The following NUF2 variants were observed in gnomAD, a reference collection of about 807,000 sequenced individuals.
NUF2 encodes the protein kinetochore protein Nuf2.
A neutral mutation model predicts 61.8 loss-of-function variants in NUF2; 34 were observed. The observed-to-expected ratio is 0.55, with a 90% CI of 0.42 to 0.73. The LOEUF (loss-of-function observed/expected upper bound fraction) is 0.73, where lower values mean the gene tolerates loss of function less well. Among genes scored for constraint, NUF2 ranks in the 30% least tolerant of loss-of-function variants. NUF2 has a pLI of 0.00. For synonymous variants in NUF2, 172 were observed against 181.6 expected, an observed-to-expected ratio of 0.95 and a Z score of 0.42; for missense variants, 445 against 539.1, an observed-to-expected ratio of 0.83 and a Z score of 1.73.
intron 8 of NUF2, 66 bp downstream of exon 8, chr1:163,339,543 T>G: frequency 2.3e-6 from 2 of 886,056 alleles, no homozygotes; most frequent in Non-Finnish European, 1.9e-6. Context: ...GTGGGACATA[T>G]AGTGGAGGTA....
intron 2 of NUF2, 65 bp from the exon 3 acceptor site, chr1:163,327,423 A>G (rs1650460376): frequency 1.2e-6 from 1 of 818,188 alleles, no homozygotes; most frequent in East Asian, 2.5e-5. Flanking sequence ...ATTGTATGGT[A>G]ATGATGATAG....
At chr1:163,343,517 A>C (rs936718518) in intron 9 of NUF2, among the ~76,000 whole-genome samples, 1 of 152,250 alleles carries the variant, frequency 6.6e-6, no homozygotes, top group East Asian at 1.9e-4. Context: ...GAGAGTTAAG[A>C]GCCATGTAAT....
chr1:163,324,374 G>T (rs1214104938), intron 1 of NUF2, among the ~76,000 whole-genome samples: 1 of 152,168 alleles, frequency 6.6e-6, no homozygotes, highest in African/African-American at 2.4e-5. Context: ...GGAAAAAGTT[G>T]CATTGAGAGT....
At chr1:163,346,291 G>A (rs1040493856) in intron 11 of NUF2, 10 of 152,134 alleles carry the variant, frequency 6.6e-5, no homozygotes, top group African/African-American at 1.9e-4. Context: ...TAAAAGTTAT[G>A]TGAATGTGGT....
At chr1:163,328,771 G>A (rs1650506883) in intron 4 of NUF2, 75 bp from the exon 5 acceptor site, 1 of 891,622 alleles carries the variant, frequency 1.1e-6, no homozygotes, top group Non-Finnish European at 1.8e-6. Context: ...CTGAAAATAA[G>A]ATGTTTATAT....
intron 11 of NUF2, 170 bp downstream of exon 11, chr1:163,345,988 T>C: frequency 4.4e-6 from 2 of 458,998 alleles, no homozygotes; most frequent in South Asian, 4.3e-5. Flanking sequence ...TTTTTAAACA[T>C]AGCAGTAGCA....
Position 163,347,793 on chromosome 1 carries a change from G to A in NUF2, c.979G>A (p.Asp327Asn). The change falls in exon 12 of 14, where the codon GAT becomes AAT. Residue 327 changes from aspartate to asparagine, a missense_variant. Coordinates refer to ENST00000271452, the MANE Select transcript of NUF2 (RefSeq NM_145697.3). ...GAACTTGGAGGACCAAATTGAGAGT[G>A]ATGAGTCAGAACTGAAGAAATTGAA... ...SLNLEDQIES[D>N]ESELKKLKTE... 7 of 1,596,552 alleles carry A rather than the reference G, an allele frequency of 4.4e-6. No homozygotes were observed. Among genetic ancestry groups the A allele is most frequent in the Non-Finnish European group, 6.0e-6 (7 of 1,174,036 alleles).
intron 1 of NUF2, among the ~76,000 whole-genome samples, chr1:163,325,157 A>G (rs1650375489): frequency 6.6e-6 from 1 of 152,136 alleles, no homozygotes; most frequent in South Asian, 2.1e-4. Context: ...TTGGCCTCCC[A>G]AAGTGCTGAG....
chr1:163,343,919 A>T, intron 10 of NUF2, 49 bp downstream of exon 10: 1 of 1,171,866 alleles, frequency 8.5e-7, no homozygotes, highest in Non-Finnish European at 1.1e-6. Context: ...AAAAAAAATT[A>T]GCAAATTCTT....
intron 5 of NUF2, among the ~76,000 whole-genome samples, chr1:163,331,745 G>A (rs1198824648): frequency 1.3e-5 from 2 of 151,850 alleles, no homozygotes; most frequent in Admixed American, 6.6e-5. Context: ...TTTTTTTAAA[G>A]GAATTTTTAG....
intron 5 of NUF2, among the ~76,000 whole-genome samples, chr1:163,334,924 G>C (rs533279966): frequency 1.3e-5 from 2 of 152,102 alleles, no homozygotes; most frequent in Middle Eastern, 6.8e-3. Flanking sequence ...ACTGTACTAT[G>C]CCATTTTTTG....
chr1:163,354,340 T>C (rs1651420069), intron 13 of NUF2, among the ~76,000 whole-genome samples: 1 of 152,194 alleles, frequency 6.6e-6, no homozygotes, highest in South Asian at 2.1e-4. Context: ...CTTAAGCATA[T>C]ATTTACATTC....
At chr1:163,349,910 GT>G (rs996482045) in intron 13 of NUF2, among the ~76,000 whole-genome samples, 30 of 145,444 alleles carry the variant, frequency 2.1e-4, no homozygotes, top group African/African-American at 3.0e-4. Context: ...TCTGTTTTTT[GT>G]TTTTTTTTTT....
intron 9 of NUF2, among the ~76,000 whole-genome samples, chr1:163,341,577 GTTAT>G (rs1650947989): frequency 6.6e-6 from 1 of 151,730 alleles, no homozygotes; most frequent in East Asian, 1.9e-4. Context: ...GTGATTTCTT[GTTAT>G]TTCTTATTTT....
At chr1:163,338,767 C>G (rs1650844546) in intron 7 of NUF2, among the ~76,000 whole-genome samples, 2 of 152,040 alleles carry the variant, frequency 1.3e-5, no homozygotes. Flanking sequence ...GCACATGCCA[C>G]AAAGCCTTAC....
intron 9 of NUF2, among the ~76,000 whole-genome samples, chr1:163,342,986 A>G (rs1650996368): frequency 1.3e-5 from 2 of 152,210 alleles, no homozygotes; most frequent in Non-Finnish European, 2.9e-5. Flanking sequence ...ATGTAAATAC[A>G]ACTTATCAAC....
intron 13 of NUF2, among the ~76,000 whole-genome samples, chr1:163,350,194 C>T (rs554480943): frequency 7.3e-5 from 11 of 151,326 alleles, no homozygotes; most frequent in Admixed American, 3.3e-4. Context: ...CCCAGCTACT[C>T]GGGAGGCTGA....
intron 12 of NUF2, 104 bp from the exon 13 acceptor site, chr1:163,348,841 G>C: frequency 7.8e-7 from 1 of 1,287,986 alleles, no homozygotes; most frequent in Non-Finnish European, 1.1e-6. Context: ...TTTTAGGTTT[G>C]TCAAATACTG....
At chr1:163,348,900 G>A in intron 12 of NUF2, 45 bp from the exon 13 acceptor site, 1 of 1,583,256 alleles carries the variant, frequency 6.3e-7, no homozygotes, top group Admixed American at 2.0e-5. Context: ...TGCCTTTTTA[G>A]TTGCTGAAGA....
Sources: gnomAD v4.1 joint callset for allele counts (sites outside exome capture counted in the v4.1 genomes callset) on GRCh38, gnomAD v4.1.1 for gene constraint, MANE v1.5 for transcripts, NCBI Gene and HGNC (gene_info 2026-07-23, HGNC 2026-07-21) for gene names.